Variants in SNCAIP observed in about 807,000 individuals in gnomAD.
SNCAIP encodes synphilin-1.
In SNCAIP, 43 loss-of-function variants were observed where a neutral mutation model predicts 86.7. That is an observed-to-expected ratio of 0.50 (90% confidence interval 0.39 to 0.64). SNCAIP has a LOEUF of 0.64. SNCAIP is among the 30% of genes least tolerant of loss of function. The pLI is 0.00. For missense variants in SNCAIP, 981 were observed against 1,103.1 expected (o/e 0.89, Z 1.57); for synonymous variants, 417 against 427.2 (o/e 0.98, Z 0.29).
At chr5:122,430,646 A>G (rs1778229187) in intron 5 of SNCAIP, among the ~76,000 whole-genome samples, 1 of 152,064 alleles carries the variant, frequency 6.6e-6, no homozygotes, top group Non-Finnish European at 1.5e-5. Context: ...GGTAGGGAAC[A>G]TTTTCTACAG....
At chr5:122,339,620 C>T (rs186441066) in intron 1 of SNCAIP, among the ~76,000 whole-genome samples, 15 of 152,172 alleles carry the variant, frequency 9.9e-5, no homozygotes, top group Admixed American at 2.0e-4. Flanking sequence ...AGGAGATTTC[C>T]GGTCTTGATT....
intron 1 of SNCAIP, among the ~76,000 whole-genome samples, chr5:122,359,465 A>G (rs1357035015): frequency 6.6e-6 from 1 of 151,442 alleles, no homozygotes; most frequent in African/African-American, 2.4e-5. Context: ...CTGGGTTCAA[A>G]TGATTCTTGT....
chr5:122,408,195 C>T (rs1478620579), intron 3 of SNCAIP, among the ~76,000 whole-genome samples: 2 of 152,194 alleles, frequency 1.3e-5, no homozygotes, highest in African/African-American at 2.4e-5. Flanking sequence ...GAGGTTCCTC[C>T]ACATGTGGTC....
chr5:122,337,574 T>C (rs974835221), intron 1 of SNCAIP, among the ~76,000 whole-genome samples: 7 of 152,164 alleles, frequency 4.6e-5, no homozygotes, highest in Non-Finnish European at 2.9e-5. Context: ...AGTCTCGCCC[T>C]GTCACCCAGG....
chr5:122,336,617 C>G (rs774658234), intron 1 of SNCAIP, among the ~76,000 whole-genome samples: 6 of 152,136 alleles, frequency 3.9e-5, no homozygotes, highest in Non-Finnish European at 7.3e-5. Context: ...GTTGTTGTTT[C>G]TGAGACAGGG....
At chr5:122,440,375 A>G (rs1780585857) in intron 6 of SNCAIP, 2 of 457,230 alleles carry the variant, frequency 4.4e-6, no homozygotes, top group African/African-American at 2.0e-5. Flanking sequence ...TTTCCCATCT[A>G]TAGAATAGAT....
intron 1 of SNCAIP, among the ~76,000 whole-genome samples, chr5:122,343,104 AC>A (rs1757918104): frequency 1.3e-5 from 2 of 152,376 alleles, no homozygotes; most frequent in African/African-American, 4.8e-5. Flanking sequence ...AAGTCCTCAT[AC>A]CAACCAGATT....
At chr5:122,344,173 G>T (rs1382885739) in intron 1 of SNCAIP, among the ~76,000 whole-genome samples, 1 of 152,066 alleles carries the variant, frequency 6.6e-6, no homozygotes, top group African/African-American at 2.4e-5. Context: ...ATGAAAGCGG[G>T]ACATTTTTTC....
intron 2 of SNCAIP, among the ~76,000 whole-genome samples, chr5:122,401,748 C>G (rs1184058667): frequency 6.6e-6 from 1 of 152,168 alleles, no homozygotes. Context: ...AGTGACTCAC[C>G]TAGGCTAGTG....
chr5:122,330,787 G>A (rs140650788), intron 1 of SNCAIP, among the ~76,000 whole-genome samples: 49 of 152,092 alleles, frequency 3.2e-4, no homozygotes, highest in African/African-American at 1.1e-3. Flanking sequence ...AGCGCATTAC[G>A]TTTATTGTAC....
At chr5:122,389,096 T>A (rs1379015772) in intron 1 of SNCAIP, 23 of 152,276 alleles carry the variant, frequency 1.5e-4, no homozygotes, top group Admixed American at 1.5e-3. Flanking sequence ...TCTATTGGAA[T>A]GGCTACACTC....
chr5:122,333,374 A>G (rs1417462628), intron 1 of SNCAIP, among the ~76,000 whole-genome samples: 3 of 152,232 alleles, frequency 2.0e-5, no homozygotes, highest in Non-Finnish European at 4.4e-5. Context: ...GGTATTTTCC[A>G]AGTCCTGTCT....
chr5:122,360,663 T>G (rs1762025062), intron 1 of SNCAIP, among the ~76,000 whole-genome samples: 1 of 152,194 alleles, frequency 6.6e-6, no homozygotes, highest in Non-Finnish European at 1.5e-5. Flanking sequence ...GTTAGGCATG[T>G]GAAAACCACC....
chr5:122,322,122 G>T (rs775502755), intron 1 of SNCAIP, among the ~76,000 whole-genome samples: 1 of 152,178 alleles, frequency 6.6e-6, no homozygotes, highest in Non-Finnish European at 1.5e-5. Context: ...GAGTCATCAC[G>T]ATGAACTTTC....
intron 2 of SNCAIP, among the ~76,000 whole-genome samples, chr5:122,396,497 T>C (rs1389238310): frequency 1.3e-5 from 2 of 152,172 alleles, no homozygotes; most frequent in African/African-American, 4.8e-5. Flanking sequence ...TGATAGTCAA[T>C]AGAAATTATT....
At chr5:122,461,132 A>G (rs960544668) in intron 10 of SNCAIP, among the ~76,000 whole-genome samples, 5 of 152,248 alleles carry the variant, frequency 3.3e-5, no homozygotes, top group Non-Finnish European at 2.9e-5. Flanking sequence ...TTGACTCAGT[A>G]TAGGATTCTA....
At chr5:122,344,041 T>G (rs1758107735) in intron 1 of SNCAIP, among the ~76,000 whole-genome samples, 1 of 152,224 alleles carries the variant, frequency 6.6e-6, no homozygotes, top group African/African-American at 2.4e-5. Context: ...TTCAAAAATA[T>G]TACAACCCTG....
intron 10 of SNCAIP, among the ~76,000 whole-genome samples, chr5:122,457,315 T>G (rs921292245): frequency 1.3e-5 from 2 of 152,118 alleles, no homozygotes; most frequent in Admixed American, 6.6e-5. Context: ...TAGTTTCATG[T>G]TCTAAGCCCT....
chr5:122,411,997 G>T (rs1185987254), intron 3 of SNCAIP, among the ~76,000 whole-genome samples: 1 of 152,146 alleles, frequency 6.6e-6, no homozygotes, highest in Non-Finnish European at 1.5e-5. Flanking sequence ...ACTCTCTCAT[G>T]TGGCCTTCAA....
Sources: gnomAD v4.1 joint callset for allele counts (sites outside exome capture counted in the v4.1 genomes callset) on GRCh38, gnomAD v4.1.1 for gene constraint, MANE v1.5 for transcripts, NCBI Gene and HGNC (gene_info 2026-07-23, HGNC 2026-07-21) for gene names.